The following ZNF326 variants were observed in gnomAD, a reference collection of about 807,000 sequenced individuals.
ZNF326 encodes zinc finger protein 326, also known as DBIRD complex subunit ZNF326.
A neutral mutation model predicts 63.1 loss-of-function variants in ZNF326; 30 were observed. The observed-to-expected ratio is 0.48, with a 90% CI of 0.36 to 0.64. The LOEUF (loss-of-function observed/expected upper bound fraction) is 0.64. Among genes scored for constraint, ZNF326 ranks in the 30% least tolerant of loss-of-function variants. The pLI is 0.00. For missense variants in ZNF326, 609 were observed against 720.3 expected, an observed-to-expected ratio of 0.85 and a Z score of 1.77; for synonymous variants, 194 against 228.2, an observed-to-expected ratio of 0.85 and a Z score of 1.35.
chr1:90,027,878 A>G lies in ZNF326; in HGVS notation c.*177A>G, dbSNP rs1487366787. The G allele has an allele frequency of 1.6e-6, 1 of 615,162 alleles. No homozygotes were observed. The highest frequency in any genetic ancestry group is 2.8e-6 in the Non-Finnish European group (1 of 363,504). The allele number at this position is 615,162 out of a possible 1,614,324, so 38.1% of individuals were successfully genotyped here. ...ATTTGTTTAATAAAATGAAGGCAAAACTATTTTAGTTTAGTTTTTATAGCT... is the reference window on the plus strand; with the variant it reads ...ATTTGTTTAATAAAATGAAGGCAAAGCTATTTTAGTTTAGTTTTTATAGCT... On this transcript the variant is annotated 3_prime_UTR_variant, in exon 12 of 12. Coordinates refer to ENST00000340281, the MANE Select transcript of ZNF326 (RefSeq NM_182976.4).
chr1:90,006,142 C>G (rs1648973905), intron 4 of ZNF326: 5 of 985,288 alleles, frequency 5.1e-6, no homozygotes, highest in Non-Finnish European at 6.0e-6. Context: ...CAGTGTACCA[C>G]TATGGTTTAT....
At chr1:90,004,084 A>G (rs1648836835) in intron 2 of ZNF326, among the ~76,000 whole-genome samples, 1 of 152,116 alleles carries the variant, frequency 6.6e-6, no homozygotes, top group South Asian at 2.1e-4. Flanking sequence ...TAGTCATCCT[A>G]AATTGATTTT....
At chr1:89,997,593 C>G (rs1648448987) in intron 1 of ZNF326, among the ~76,000 whole-genome samples, 1 of 152,096 alleles carries the variant, frequency 6.6e-6, no homozygotes. Context: ...GGGCTGGTCT[C>G]GAACTCCTGA....
At chr1:90,025,875 A>G (rs952555576) in intron 11 of ZNF326, among the ~76,000 whole-genome samples, 1 of 151,934 alleles carries the variant, frequency 6.6e-6, no homozygotes, top group South Asian at 2.1e-4. Context: ...GTATCATTTG[A>G]CACTGTTGAT....
chr1:90,010,047 T>C (rs1303042552), intron 5 of ZNF326, 41 bp from the exon 6 acceptor site: 1 of 1,562,324 alleles, frequency 6.4e-7, no homozygotes, highest in Admixed American at 1.8e-5. Context: ...TATTTTTTCT[T>C]GGACAATATG....
chr1:90,001,263 T>C (rs1019533199), intron 2 of ZNF326, among the ~76,000 whole-genome samples: 3 of 152,206 alleles, frequency 2.0e-5, no homozygotes, highest in Admixed American at 2.0e-4. Flanking sequence ...TTAGATGTTA[T>C]TTTAAGCTTT....
intron 11 of ZNF326, among the ~76,000 whole-genome samples, chr1:90,022,547 C>A (rs1255838452): frequency 6.6e-6 from 1 of 152,120 alleles, no homozygotes; most frequent in Non-Finnish European, 1.5e-5. Context: ...TCTCTTATCA[C>A]CTTTGTAGCT....
In ZNF326 at chr1:90,017,349, G is replaced by A. The variant is rs745722042; in HGVS notation, c.959G>A (p.Arg320Gln). 8.1e-6 allele frequency: 13 copies of A among 1,599,850 alleles called. No individual in the cohort carries two copies. Among genetic ancestry groups the A allele is most frequent in the Non-Finnish European group, 3.4e-6 (4 of 1,175,584 alleles). Residue 320 changes from arginine to glutamine, a missense_variant, in exon 8 of 12, where the codon CGA (arginine) becomes CAA (glutamine). This residue lies in a region of ZNF326 where 399 missense variants were observed against 444.3 expected (regional missense o/e 0.90). Transcript: ENST00000340281. ...TTTACATGTTCATTTTGTAAATTTC[G>A]AACATTTGAAGAAAAAGATATTGAA... ...MAFTCSFCKF[R>Q]TFEEKDIELH...
intron 11 of ZNF326, among the ~76,000 whole-genome samples, chr1:90,026,857 C>T (rs1347766717): frequency 1.3e-5 from 2 of 151,738 alleles, no homozygotes; most frequent in Admixed American, 6.6e-5. Context: ...TAAAGTTGTT[C>T]CTGTGAATGT....
intron 7 of ZNF326, among the ~76,000 whole-genome samples, chr1:90,015,742 T>G (rs1649472720): frequency 6.6e-6 from 1 of 152,006 alleles, no homozygotes; most frequent in Non-Finnish European, 1.5e-5. Context: ...GGAAGTAGTA[T>G]TTGAATTGAT....
intron 7 of ZNF326, among the ~76,000 whole-genome samples, chr1:90,015,756 G>T (rs758965469): frequency 3.3e-5 from 5 of 152,256 alleles, no homozygotes; most frequent in Non-Finnish European, 7.4e-5. Context: ...AATTGATCTG[G>T]GAATGGTAGG....
intron 1 of ZNF326, among the ~76,000 whole-genome samples, chr1:89,995,881 T>A (rs544417343): frequency 6.6e-6 from 1 of 152,356 alleles, no homozygotes; most frequent in South Asian, 2.1e-4. Flanking sequence ...AAAAATTACC[T>A]GCTTATTAAT....
chr1:89,999,980 A>G (rs1648590295), intron 2 of ZNF326, among the ~76,000 whole-genome samples: 2 of 152,164 alleles, frequency 1.3e-5, no homozygotes, highest in Non-Finnish European at 2.9e-5. Flanking sequence ...TCCACAGGGG[A>G]AAAAGGGAGT....
intron 2 of ZNF326, among the ~76,000 whole-genome samples, chr1:90,002,501 T>C (rs1416234843): frequency 6.6e-6 from 1 of 152,196 alleles, no homozygotes; most frequent in Non-Finnish European, 1.5e-5. Context: ...AAACTTTTCA[T>C]TTTGAAAACT....
intron 2 of ZNF326, 117 bp downstream of exon 2, chr1:89,998,271 T>A: frequency 1.2e-6 from 1 of 868,282 alleles, no homozygotes; most frequent in Non-Finnish European, 1.8e-6. Context: ...ATTTATGTGT[T>A]AATATTGTCT....
In ZNF326 at chr1:90,029,812, A is replaced by C. The variant is rs1017544787; in HGVS notation, c.*2111A>C. 2 of 23,204 alleles carry C rather than the reference A, an allele frequency of 8.6e-5. No individual in the cohort carries two copies. The highest frequency in any genetic ancestry group is 1.6e-4 in the Non-Finnish European group (2 of 12,822). The allele number at this position is 23,204 out of a possible 1,614,324, so 1.4% of individuals were successfully genotyped here. A position where few individuals can be genotyped will look rare whatever the true frequency, so the allele number is the denominator to read the frequency against. ...CTAGCTAATTTGCAAGGTAATGATA[A>C]ATAAAAGTGTATTTTGTTACTGTGC... On this transcript the variant is annotated 3_prime_UTR_variant, in exon 12 of 12. Coordinates refer to ENST00000340281, the MANE Select transcript of ZNF326 (RefSeq NM_182976.4).
chr1:90,027,283 T>G, intron 11 of ZNF326, 71 bp from the exon 12 acceptor site: 1 of 1,445,932 alleles, frequency 6.9e-7, no homozygotes, highest in Non-Finnish European at 9.5e-7. Flanking sequence ...ATATGGCAAG[T>G]AAAAATTTCA....
chr1:90,011,190 T>C (rs575853689), intron 6 of ZNF326, among the ~76,000 whole-genome samples: 2 of 152,296 alleles, frequency 1.3e-5, no homozygotes, highest in South Asian at 4.1e-4. Flanking sequence ...AGAAAAGTGT[T>C]GTGTAGCTAA....
chr1:90,013,121 C>A lies in ZNF326; in HGVS notation c.815-5C>A, dbSNP rs1412788584. 6 of 1,601,178 alleles carry A rather than the reference C, an allele frequency of 3.7e-6. 1 individual carries two copies. In the Middle Eastern group the frequency reaches 8.4e-4, roughly 223 times the overall value. On this transcript the variant is annotated splice_region_variant and splice_polypyrimidine_tract_variant and intron_variant, in intron 6 of 11. Transcript: ENST00000340281. Reference sequence around the variant, plus strand: ...TAGCTTTTACTTTTTTGTGTAATATCCTAGCAAAAACTGATCCTAAAAATG... The same window carrying A: ...TAGCTTTTACTTTTTTGTGTAATATACTAGCAAAAACTGATCCTAAAAATG...
Sources: allele counts gnomAD v4.1 joint callset (sites outside exome capture counted in the v4.1 genomes callset), GRCh38; gene constraint gnomAD v4.1.1; regional missense constraint gnomAD v4.1.1; transcripts MANE v1.5; gene names NCBI Gene and HGNC (gene_info 2026-07-23, HGNC 2026-07-21).